Variants in CHL1 observed in about 807,000 individuals in gnomAD.
The protein encoded by CHL1 is neural cell adhesion molecule L1-like protein.
In CHL1, 96 loss-of-function variants were observed where a neutral mutation model predicts 141.9. The observed-to-expected ratio is 0.68, with a 90% CI of 0.57 to 0.80. The LOEUF (loss-of-function observed/expected upper bound fraction) is 0.80. CHL1 is among the 30% of genes least tolerant of loss of function. CHL1 has a pLI of 0.00. For synonymous variants in CHL1, 613 were observed against 502.2 expected, an observed-to-expected ratio of 1.22 and a Z score of -2.95; for missense variants, 1,820 against 1,457.2, an observed-to-expected ratio of 1.25 and a Z score of -4.05.
intron 9 of CHL1, among the ~76,000 whole-genome samples, chr3:347,881 T>G (rs1286358654): frequency 6.6e-6 from 1 of 152,208 alleles, no homozygotes; most frequent in Non-Finnish European, 1.5e-5. Context: ...TATTCCAGGC[T>G]GCACAGCACG....
At chr3:395,888 C>T (rs1708628435) in intron 24 of CHL1, among the ~76,000 whole-genome samples, 1 of 152,068 alleles carries the variant, frequency 6.6e-6, no homozygotes, top group Non-Finnish European at 1.5e-5. Context: ...AATGCAGTTG[C>T]CTATTATTTA....
At chr3:398,734 C>A (rs1708878380) in intron 25 of CHL1, among the ~76,000 whole-genome samples, 1 of 152,164 alleles carries the variant, frequency 6.6e-6, no homozygotes, top group African/African-American at 2.4e-5. Flanking sequence ...TTGTTTGCTC[C>A]TTGCTGCTTC....
intron 15 of CHL1, among the ~76,000 whole-genome samples, chr3:374,273 AT>A (rs765837125): frequency 1.3e-5 from 2 of 152,062 alleles, no homozygotes; most frequent in Non-Finnish European, 2.9e-5. Flanking sequence ...ACCAGTTCTC[AT>A]TGAAACACGA....
intron 2 of CHL1, among the ~76,000 whole-genome samples, chr3:274,407 CA>C (rs1432808944): frequency 1.3e-5 from 2 of 152,124 alleles, no homozygotes; most frequent in Admixed American, 6.5e-5. Flanking sequence ...GAACCATGCT[CA>C]AAAAAAGAAC....
chr3:304,717 G>A (rs1213419242), intron 2 of CHL1, among the ~76,000 whole-genome samples: 3 of 152,004 alleles, frequency 2.0e-5, no homozygotes, highest in Non-Finnish European at 2.9e-5. Flanking sequence ...ATTTTTTGAA[G>A]GGTTTTTCGT....
At chr3:214,627 T>C (rs972750813) in intron 1 of CHL1, among the ~76,000 whole-genome samples, 1 of 152,174 alleles carries the variant, frequency 6.6e-6, no homozygotes, top group Non-Finnish European at 1.5e-5. Flanking sequence ...TAGAAAGATA[T>C]AGACATGAAT....
At chr3:279,665 T>C (rs1284456993) in intron 2 of CHL1, among the ~76,000 whole-genome samples, 1 of 152,166 alleles carries the variant, frequency 6.6e-6, no homozygotes, top group Non-Finnish European at 1.5e-5. Flanking sequence ...AATTGATGAC[T>C]GCTATTCTCA....
In CHL1 at chr3:252,191, G is replaced by A. The variant is rs1486109644; in HGVS notation, c.-95+7499G>A. 4.0e-5 allele frequency among the ~76,000 whole-genome samples: 6 copies of A among 151,068 alleles called. No individual in the cohort carries two copies. In the South Asian group the frequency reaches 6.3e-4, roughly 16 times the overall value. ...AAGGGAAAACTATTTTTAACACCTTGTTACTTATTTAAACATAAAAATATT... is the reference window on the plus strand; with the variant it reads ...AAGGGAAAACTATTTTTAACACCTTATTACTTATTTAAACATAAAAATATT... On this transcript the variant is annotated intron_variant, in intron 2 of 27. Coordinates refer to ENST00000256509, the MANE Select transcript of CHL1 (RefSeq NM_006614.4).
chr3:344,458 G>T, intron 8 of CHL1, 131 bp from the exon 9 acceptor site: 1 of 489,300 alleles, frequency 2.0e-6, no homozygotes. Context: ...TATGTGAAAT[G>T]TGTATAGAAC....
intron 15 of CHL1, among the ~76,000 whole-genome samples, chr3:368,359 CT>C (rs1559319415): frequency 6.6e-6 from 1 of 152,078 alleles, no homozygotes; most frequent in African/African-American, 2.4e-5. Context: ...TCATGTTGAG[CT>C]TTTTTTCATA....
At chr3:278,553 G>T (rs1007330793) in intron 2 of CHL1, among the ~76,000 whole-genome samples, 2 of 152,188 alleles carry the variant, frequency 1.3e-5, no homozygotes, top group African/African-American at 4.8e-5. Flanking sequence ...ACATATGGCA[G>T]CACCTGTCAC....
chr3:292,425 T>C (rs1697774001), intron 2 of CHL1, among the ~76,000 whole-genome samples: 1 of 152,212 alleles, frequency 6.6e-6, no homozygotes, highest in Admixed American at 6.5e-5. Context: ...AGTCATTCAG[T>C]AAGTCCTCTT....
At chr3:242,408 A>G (rs999974397) in intron 1 of CHL1, among the ~76,000 whole-genome samples, 8 of 139,756 alleles carry the variant, frequency 5.7e-5, no homozygotes, top group Admixed American at 2.9e-4. Flanking sequence ...CATCCTGGCT[A>G]ACACGGTGAA....
intron 2 of CHL1, among the ~76,000 whole-genome samples, chr3:273,519 A>G (rs935299669): frequency 1.3e-5 from 2 of 151,896 alleles, no homozygotes; most frequent in African/African-American, 4.8e-5. Flanking sequence ...CCAGTCCCTT[A>G]TTGTTTTGCC....
chr3:335,599 C>T lies in CHL1; in HGVS notation c.386-5195C>T, dbSNP rs564970749. Among the ~76,000 whole-genome samples, 9 of 152,244 alleles carry T rather than the reference C, an allele frequency of 5.9e-5. No homozygotes were observed. The South Asian group carries it at 1.7e-3, about 28-fold the overall frequency. On this transcript the variant is annotated intron_variant, in intron 5 of 27. Transcript: ENST00000256509. ...GTACGGCCCTGGAAAGCTCACCAGG[C>T]CAGTCCTGTAAACGGAGTGCCAAGT...
chr3:312,070 C>G (rs933131842), intron 2 of CHL1, among the ~76,000 whole-genome samples: 1 of 151,996 alleles, frequency 6.6e-6, no homozygotes, highest in Non-Finnish European at 1.5e-5. Flanking sequence ...TTTTATATAA[C>G]CTGTATGTAT....
chr3:360,768 A>T (rs1303568369), intron 12 of CHL1, among the ~76,000 whole-genome samples: 1 of 111,978 alleles, frequency 8.9e-6, no homozygotes, highest in Non-Finnish European at 1.7e-5. Context: ...CAGTCCCCAG[A>T]GTGTGATGTT....
At chr3:242,426 C>G (rs1201439105) in intron 1 of CHL1, among the ~76,000 whole-genome samples, 5 of 137,024 alleles carry the variant, frequency 3.6e-5, no homozygotes, top group African/African-American at 1.4e-4. Flanking sequence ...GAAACCCCGT[C>G]TCTACTAAAA....
At chr3:405,324 G>C (rs572736673) in intron 27 of CHL1, among the ~76,000 whole-genome samples, 171 bp from the exon 28 acceptor site, 2 of 152,142 alleles carry the variant, frequency 1.3e-5, no homozygotes, top group African/African-American at 2.4e-5. Flanking sequence ...TACAGACTTC[G>C]TAAACTTGGT....
Sources: allele counts gnomAD v4.1 joint callset (sites outside exome capture counted in the v4.1 genomes callset), GRCh38; gene constraint gnomAD v4.1.1; transcripts MANE v1.5; gene names NCBI Gene and HGNC (gene_info 2026-07-23, HGNC 2026-07-21).